Variants in EFCAB6 observed in about 807,000 individuals in gnomAD.
EFCAB6 encodes EF-hand calcium binding domain 6.
Under a neutral mutation model 169.8 loss-of-function variants are expected in EFCAB6, and 156 were observed. The observed-to-expected ratio is 0.92, with a 90% confidence interval of 0.81 to 1.05. The LOEUF is 1.05. Among genes scored for constraint, EFCAB6 ranks in the 50% least tolerant of loss-of-function variants. EFCAB6 has a pLI of 0.00. For missense variants in EFCAB6, 1,800 were observed against 1,829.1 expected, an observed-to-expected ratio of 0.98 and a Z score of 0.29; for synonymous variants, 698 against 676.4, an observed-to-expected ratio of 1.03 and a Z score of -0.50.
At chr22:43,699,749 G>T (rs930377034) in intron 10 of EFCAB6, among the ~76,000 whole-genome samples, 2 of 152,094 alleles carry the variant, frequency 1.3e-5, no homozygotes, top group Non-Finnish European at 2.9e-5. Flanking sequence ...AAACACGTGG[G>T]TTACCACGGT....
chr22:43,550,960 T>C (rs1270795817), intron 27 of EFCAB6, among the ~76,000 whole-genome samples: 8 of 152,318 alleles, frequency 5.3e-5, no homozygotes, highest in Middle Eastern at 3.4e-3. Context: ...TTTCAAAAGA[T>C]GTGTCACTTC....
chr22:43,742,772 C>T (rs575294397), intron 6 of EFCAB6, among the ~76,000 whole-genome samples: 5 of 152,336 alleles, frequency 3.3e-5, no homozygotes, highest in East Asian at 3.9e-4. Context: ...GCTGCCCTCC[C>T]GGCACCCCCA....
chr22:43,633,903 C>T (rs904386824), intron 18 of EFCAB6, among the ~76,000 whole-genome samples: 1 of 152,224 alleles, frequency 6.6e-6, no homozygotes, highest in African/African-American at 2.4e-5. Context: ...CTGCCACATC[C>T]CCCTGACCCC....
At position 43,673,239 on chromosome 22, in the gene EFCAB6, C is replaced by A. The variant is rs563107293; in HGVS notation, c.1420-934G>T. 8.5e-5 allele frequency among the ~76,000 whole-genome samples: 13 copies of A among 152,248 alleles called. No homozygotes were observed. In the South Asian group the frequency reaches 2.7e-3, roughly 32 times the overall value. On this transcript the variant is annotated intron_variant, in intron 13 of 31. Coordinates refer to ENST00000262726, the MANE Select transcript of EFCAB6 (RefSeq NM_022785.4). ...AAAAAAAACTTCCTTTCACTCCATC[C>A]CCTCTTGTGTCCTTTGCATTCTGTA... is the stretch of plus-strand genomic sequence containing the variant.
At position 43,784,665 on chromosome 22, in the gene EFCAB6, A is replaced by ACATATATGTGTATATG. The variant is rs1222270497; in HGVS notation, c.-7-2341_-7-2340insCATATACACATATATG. Among the ~76,000 whole-genome samples the ACATATATGTGTATATG allele has an allele frequency of 9.2e-3, 683 of 74,186 alleles. 86 individuals are homozygous for ACATATATGTGTATATG. Among genetic ancestry groups the ACATATATGTGTATATG allele is most frequent in the East Asian group, 0.036 (87 of 2,448 alleles). 48.7% of individuals were successfully genotyped at this position (74,186 alleles called of 152,430 possible). On this transcript the variant is annotated intron_variant, in intron 2 of 31. Coordinates refer to ENST00000262726, the MANE Select transcript of EFCAB6 (RefSeq NM_022785.4). ...TACACATATATATGTGTATATATACATATACATATATACACACACACACAC... is the reference window on the plus strand; with the variant it reads ...TACACATATATATGTGTATATATACACATATATGTGTATATGTATACATATATACACACACACACAC...
intron 27 of EFCAB6, among the ~76,000 whole-genome samples, chr22:43,550,350 G>A (rs2048309923): frequency 6.6e-6 from 1 of 152,104 alleles, no homozygotes; most frequent in Non-Finnish European, 1.5e-5. Flanking sequence ...ACTTCCTAGG[G>A]GTGTCTGTTT....
chr22:43,614,135 T>C (rs1481700039), intron 21 of EFCAB6, among the ~76,000 whole-genome samples: 2 of 110,456 alleles, frequency 1.8e-5, no homozygotes, highest in Non-Finnish European at 3.4e-5. Flanking sequence ...ATCCATAAAC[T>C]TATTCTAGAT....
intron 8 of EFCAB6, among the ~76,000 whole-genome samples, chr22:43,730,293 AT>A (rs2147605238): frequency 3.0e-5 from 3 of 100,406 alleles, no homozygotes; most frequent in East Asian, 3.2e-4. Context: ...GGAGGGAGGG[AT>A]GGAGTTCTAG....
chr22:43,803,823 G>A (rs939088786), intron 2 of EFCAB6, among the ~76,000 whole-genome samples: 55 of 152,234 alleles, frequency 3.6e-4, no homozygotes, highest in Middle Eastern at 3.4e-3. Context: ...AGACCTAATA[G>A]GGCTAACTGA....
At chr22:43,724,940 T>C (rs1358596229) in intron 8 of EFCAB6, among the ~76,000 whole-genome samples, 1 of 152,220 alleles carries the variant, frequency 6.6e-6, no homozygotes, top group Non-Finnish European at 1.5e-5. Context: ...TTAGTCCTTT[T>C]TATGTTGCTG....
intron 2 of EFCAB6, among the ~76,000 whole-genome samples, chr22:43,792,733 G>A (rs2062349403): frequency 6.6e-6 from 1 of 152,206 alleles, no homozygotes; most frequent in South Asian, 2.1e-4. Flanking sequence ...GTGCCCCAAG[G>A]CTGGAGACTA....
rs555366674 is a variant in EFCAB6, at chr22:43,618,520, A to G, written c.2466-2598T>C. ...CACAACTATCTGAGGTAAATAATAGAAGGCTGATGGAGGGAGAAATCAAAA... is the reference window on the plus strand; with the variant it reads ...CACAACTATCTGAGGTAAATAATAGGAGGCTGATGGAGGGAGAAATCAAAA... On this transcript the variant is annotated intron_variant, in intron 20 of 31. Coordinates refer to ENST00000262726, the MANE Select transcript of EFCAB6 (RefSeq NM_022785.4). 2.0e-5 allele frequency among the ~76,000 whole-genome samples: 3 copies of G among 152,290 alleles called. No homozygotes were observed. The East Asian group carries it at 5.8e-4, about 29-fold the overall frequency.
intron 25 of EFCAB6, 95 bp downstream of exon 25, chr22:43,580,369 T>G: frequency 7.4e-7 from 1 of 1,343,576 alleles, no homozygotes; most frequent in East Asian, 2.3e-5. Context: ...CCAAGGAGAA[T>G]GAACAGAGGT....
chr22:43,792,824 G>A (rs1056823934), intron 2 of EFCAB6, among the ~76,000 whole-genome samples: 12 of 152,162 alleles, frequency 7.9e-5, no homozygotes, highest in African/African-American at 2.9e-4. Flanking sequence ...AAGCTTTCCT[G>A]TCTCTTTTTA....
chr22:43,745,577 A>G (rs2060531433), intron 6 of EFCAB6, among the ~76,000 whole-genome samples: 1 of 152,116 alleles, frequency 6.6e-6, no homozygotes, highest in Non-Finnish European at 1.5e-5. Flanking sequence ...GGGCACCCCC[A>G]TGTCTTGGCT....
intron 30 of EFCAB6, among the ~76,000 whole-genome samples, chr22:43,532,872 G>C (rs1404702939): frequency 6.6e-6 from 1 of 152,224 alleles, no homozygotes; most frequent in Non-Finnish European, 1.5e-5. Context: ...GACACTTCTG[G>C]TCCCTCCATC....
At chr22:43,671,200 G>GT (rs1412228626) in intron 15 of EFCAB6, among the ~76,000 whole-genome samples, 1 of 151,958 alleles carries the variant, frequency 6.6e-6, no homozygotes, top group African/African-American at 2.4e-5. Context: ...TTCTGTTTTT[G>GT]TTTTTTGTTT....
At chr22:43,779,317 T>C (rs1281351320) in intron 3 of EFCAB6, among the ~76,000 whole-genome samples, 1 of 152,218 alleles carries the variant, frequency 6.6e-6, no homozygotes, top group African/African-American at 2.4e-5. Context: ...TTATTTGATG[T>C]ATGAGTTATA....
At chr22:43,765,914 T>C (rs1220579658) in intron 4 of EFCAB6, among the ~76,000 whole-genome samples, 2 of 152,226 alleles carry the variant, frequency 1.3e-5, no homozygotes, top group Non-Finnish European at 2.9e-5. Context: ...AATGTTTAAT[T>C]TGCTGACATT....
Sources: allele counts gnomAD v4.1 joint callset (sites outside exome capture counted in the v4.1 genomes callset), GRCh38; gene constraint gnomAD v4.1.1; transcripts MANE v1.5; gene names NCBI Gene and HGNC (gene_info 2026-07-23, HGNC 2026-07-21).